Variants in HMSD observed in about 807,000 individuals in gnomAD.
The protein encoded by HMSD is serpin-like protein HMSD.
In HMSD, 13 loss-of-function variants were observed where a neutral mutation model predicts 10.0. The ratio of observed to expected loss-of-function variants is 1.31; its 90% CI spans 0.85 to 2.08. HMSD has a LOEUF of 2.08. Ranked by LOEUF, HMSD falls within the 30% of genes most tolerant of loss-of-function variation. The probability of loss-of-function intolerance (pLI) is 0.00; values close to 1 mark genes in which losing one functional copy is unlikely to be tolerated. For missense variants in HMSD, 169 were observed against 166.3 expected, an observed-to-expected ratio of 1.02 and a Z score of -0.09; for synonymous variants, 51 against 54.2, an observed-to-expected ratio of 0.94 and a Z score of 0.26.
rs957381109 is a variant in HMSD at position 63,961,595 on chromosome 18, T to C, written c.*1240T>C. The C allele has an allele frequency of 6.6e-6, 1 of 152,386 alleles. No homozygotes were observed. Among genetic ancestry groups the C allele is most frequent in the Admixed American group, 6.5e-5 (1 of 15,284 alleles). 9.4% of individuals were successfully genotyped at this position (152,386 alleles called of 1,614,324 possible). A position where few individuals can be genotyped will look rare whatever the true frequency, so the allele number is the denominator to read the frequency against. ...TAAGTTCCCTTACCAGGCAGTCAGCTGTACCCTCCCTGGGTCTCAACGTGG... is the reference window on the plus strand; with the variant it reads ...TAAGTTCCCTTACCAGGCAGTCAGCCGTACCCTCCCTGGGTCTCAACGTGG... On this transcript the variant is annotated 3_prime_UTR_variant, in exon 4 of 4. Transcript: ENST00000408945.
At chr18:63,964,560 C>T (rs1381071211), downstream of HMSD, among the ~76,000 whole-genome samples, 1 of 151,870 alleles carries the variant, frequency 6.6e-6, no homozygotes, top group East Asian at 1.9e-4. Flanking sequence ...AATAAAATAC[C>T]ATAGACTGGG....
chr18:63,963,239 CCTTCCTTGCTTCCTTCCTT>C, downstream of HMSD, among the ~76,000 whole-genome samples: 1 of 148,758 alleles, frequency 6.7e-6, no homozygotes, highest in Non-Finnish European at 1.5e-5. Flanking sequence ...TTCCTTCCTT[CCTTCCTTGCTTCCTTCCTT>C]CCTTCTTTCC....
chr18:63,954,310 C>T, intron 2 of HMSD, 98 bp from the exon 3 acceptor site: 1 of 824,040 alleles, frequency 1.2e-6, no homozygotes, highest in Non-Finnish European at 1.9e-6. Context: ...CTGTAGTAAG[C>T]ATCTGTAAAT....
At chr18:63,950,139 A>G (rs2050321465) in intron 1 of HMSD, among the ~76,000 whole-genome samples, 1 of 152,138 alleles carries the variant, frequency 6.6e-6, no homozygotes, top group Non-Finnish European at 1.5e-5. Flanking sequence ...AAAATGGGCC[A>G]GGCGCGGTGG....
downstream of HMSD, among the ~76,000 whole-genome samples, chr18:63,965,376 G>A (rs1480682278): frequency 1.3e-5 from 2 of 152,158 alleles, no homozygotes; most frequent in African/African-American, 4.8e-5. Context: ...TTCAATCAAA[G>A]CACGAAAAGA....
chr18:63,960,149 T>C lies in HMSD; in HGVS notation c.223-9T>C. ...GTAGCTGTGAAATTATGTTTTTGGT[T>C]TTTCCTAGGGTTTTACAGATTCCTG... On this transcript the variant is annotated splice_polypyrimidine_tract_variant and intron_variant, in intron 3 of 3. Coordinates refer to ENST00000408945, the MANE Select transcript of HMSD (RefSeq NM_001123366.2). The C allele has an allele frequency of 6.2e-7, 1 of 1,607,552 alleles. No homozygotes were observed. The highest frequency in any genetic ancestry group is 8.5e-7 in the Non-Finnish European group (1 of 1,178,440).
downstream of HMSD, among the ~76,000 whole-genome samples, chr18:63,963,188 A>G (rs113175216): frequency 9.6e-6 from 1 of 104,166 alleles, no homozygotes; most frequent in Non-Finnish European, 1.9e-5. Flanking sequence ...TCCTTCCTTC[A>G]TTGCTTCCTT....
intron 3 of HMSD, among the ~76,000 whole-genome samples, chr18:63,955,053 TA>T (rs2050351164): frequency 6.6e-6 from 1 of 152,236 alleles, no homozygotes; most frequent in Non-Finnish European, 1.5e-5. Flanking sequence ...TCTTGTTATT[TA>T]AAAACACAAA....
At chr18:63,953,217 C>G (rs1393315587) in intron 1 of HMSD, 137 bp from the exon 2 acceptor site, 2 of 436,838 alleles carry the variant, frequency 4.6e-6, no homozygotes, top group Admixed American at 6.8e-5. Context: ...AAGAAAAGCC[C>G]TAGTGTAGTT....
At chr18:63,954,587 A>G in intron 3 of HMSD, 30 bp downstream of exon 3, 1 of 1,589,330 alleles carries the variant, frequency 6.3e-7, no homozygotes. Flanking sequence ...TAGGAAAATA[A>G]AGATAGCAAT....
chr18:63,963,419 C>A (rs954365648), downstream of HMSD, among the ~76,000 whole-genome samples: 1 of 151,832 alleles, frequency 6.6e-6, no homozygotes, highest in Non-Finnish European at 1.5e-5. Flanking sequence ...TTAGTAGAGA[C>A]GGGGTTTCAC....
downstream of HMSD, among the ~76,000 whole-genome samples, chr18:63,963,071 C>CTTTCTTTTCTTTCTCTT (rs1460858147): frequency 4.8e-5 from 5 of 105,018 alleles, no homozygotes; most frequent in African/African-American, 2.2e-4. Context: ...TCTTTTCTTT[C>CTTTCTTTTCTTTCTCTT]TCTTTCTTTC....
At position 63,960,735 on chromosome 18, in the gene HMSD, T is replaced by C. The variant is rs2050382042; in HGVS notation, c.*380T>C. On this transcript the variant is annotated 3_prime_UTR_variant, in exon 4 of 4. Transcript: ENST00000408945. ...CTAAAAAGACATTCCATCAACCCCC[T>C]TGCAGCCAGAAAGACCCTGAGCCCT... The C allele has an allele frequency of 5.8e-6, 1 of 173,076 alleles. No homozygotes were observed. The highest frequency in any genetic ancestry group is 2.4e-5 in the African/African-American group (1 of 41,570). 10.7% of individuals were successfully genotyped at this position (173,076 alleles called of 1,614,324 possible).
rs184844227 is a variant in HMSD at position 63,967,326 on chromosome 18, G to A, written n.312+7051G>A. ...TTTTTGTATTTTTAGCAGAGACGGG[G>A]TTTCACCACGTTGGCCAGGCTGGTC... On this transcript the variant is annotated intron_variant and non_coding_transcript_variant, in intron 3 of 5. Transcript: ENST00000481726. Among the ~76,000 whole-genome samples the A allele has an allele frequency of 2.2e-3, 328 of 152,214 alleles. 2 individuals carry two copies. Among genetic ancestry groups the A allele is most frequent in the Non-Finnish European group, 3.9e-3 (265 of 68,018 alleles).
At chr18:63,949,576 C>T (rs905240650) in intron 1 of HMSD, among the ~76,000 whole-genome samples, 176 bp downstream of exon 1, 2 of 152,196 alleles carry the variant, frequency 1.3e-5, no homozygotes, top group African/African-American at 2.4e-5. Context: ...GGCGGGGGCT[C>T]CCTAAGGGCA....
At position 63,967,372 on chromosome 18, in the gene HMSD, G is replaced by T. The variant is rs574893264; in HGVS notation, n.312+7097G>T. Among the ~76,000 whole-genome samples the T allele has an allele frequency of 5.3e-5, 8 of 152,308 alleles. No homozygotes were observed. In the South Asian group the frequency reaches 1.7e-3, roughly 32 times the overall value. ...TGGTCTGGAACTCCTGACCTCAGGTGATCCGCCCGCCTCGGCCTCCAAAAG... is the reference window on the plus strand; with the variant it reads ...TGGTCTGGAACTCCTGACCTCAGGTTATCCGCCCGCCTCGGCCTCCAAAAG... On this transcript the variant is annotated intron_variant and non_coding_transcript_variant, in intron 3 of 5. Coordinates refer to the HMSD transcript ENST00000481726.
At chr18:63,953,586 C>A in intron 2 of HMSD, 59 bp downstream of exon 2, 1 of 1,357,546 alleles carries the variant, frequency 7.4e-7, no homozygotes, top group Non-Finnish European at 1.1e-6. Flanking sequence ...TTGAGCTGGA[C>A]TTCTGCATTT....
rs774489711 is a variant in HMSD at position 63,960,384 on chromosome 18, A to T, written c.*29A>T. 10 of 1,544,938 alleles carry T rather than the reference A, an allele frequency of 6.5e-6. No homozygotes were observed. In the South Asian group the frequency reaches 1.2e-4, roughly 19 times the overall value. ...GGAGTCCTTTTTTCTCTAAACAACT[A>T]TGCAAACATTAAAACCTTTCTTTGG... On this transcript the variant is annotated 3_prime_UTR_variant, in exon 4 of 4. Coordinates refer to ENST00000408945, the MANE Select transcript of HMSD (RefSeq NM_001123366.2).
chr18:63,969,328 C>A (rs1387776367), intron 3 of HMSD: 1 of 152,290 alleles, frequency 6.6e-6, no homozygotes, highest in Non-Finnish European at 1.5e-5. Context: ...TTTACCTGAA[C>A]TTCAGAGTAG....
Sources: gnomAD v4.1 joint callset for allele counts (sites outside exome capture counted in the v4.1 genomes callset) on GRCh38, gnomAD v4.1.1 for gene constraint, MANE v1.5 for transcripts, NCBI Gene and HGNC (gene_info 2026-07-23, HGNC 2026-07-21) for gene names.